MAPRE2: variants seen among roughly 807,000 people sequenced by gnomAD.
MAPRE2 encodes the protein microtubule associated protein RP/EB family member 2.
A neutral mutation model predicts 43.2 loss-of-function variants in MAPRE2; 13 were observed. That is an observed-to-expected ratio of 0.30 (90% CI 0.20 to 0.48). The LOEUF is 0.48. Among genes scored for constraint, MAPRE2 ranks in the 20% least tolerant of loss-of-function variants. MAPRE2 has a pLI of 0.99. For missense variants in MAPRE2, 161 were observed against 400.2 expected, an observed-to-expected ratio of 0.40 and a Z score of 5.10; for synonymous variants, 135 against 148.8, an observed-to-expected ratio of 0.91 and a Z score of 0.68.
intron 2 of MAPRE2, among the ~76,000 whole-genome samples, chr18:35,030,132 C>T (rs1744114717): frequency 6.6e-6 from 1 of 152,098 alleles, no homozygotes; most frequent in African/African-American, 2.4e-5. Context: ...CCTCCTTCCC[C>T]CTCCCTTTTT....
intron 2 of MAPRE2, among the ~76,000 whole-genome samples, chr18:35,075,515 G>A (rs1342915044): frequency 6.6e-6 from 1 of 152,138 alleles, no homozygotes; most frequent in East Asian, 1.9e-4. Context: ...AAGCATAAGA[G>A]TTTACTTAGC....
At chr18:35,011,603 G>A (rs116104897) in intron 2 of MAPRE2, among the ~76,000 whole-genome samples, 2,269 of 152,270 alleles carry the variant, frequency 0.015, 52 homozygotes, top group African/African-American at 0.051. Flanking sequence ...TCTGATGGCT[G>A]TGTAAAGGAA....
At chr18:35,029,886 A>G (rs1403374562) in intron 2 of MAPRE2, among the ~76,000 whole-genome samples, 1 of 152,236 alleles carries the variant, frequency 6.6e-6, no homozygotes, top group East Asian at 1.9e-4. Flanking sequence ...CTGTATCTGG[A>G]TGGTTGAATT....
chr18:34,978,431 G>A (rs903322043), intron 1 of MAPRE2: 62 of 1,245,422 alleles, frequency 5.0e-5, no homozygotes, highest in African/African-American at 7.5e-5. Context: ...GAAGTGTGCA[G>A]ACCGGTTGCG....
chr18:35,047,436 C>G (rs928524354), intron 1 of MAPRE2, among the ~76,000 whole-genome samples: 15 of 152,074 alleles, frequency 9.9e-5, no homozygotes, highest in Admixed American at 2.0e-4. Context: ...TTTCTTAGCT[C>G]ATTTTAAAAT....
rs1161729688 is a variant in MAPRE2 at position 35,129,052 on chromosome 18, T to C, written c.750+1965T>C. On this transcript the variant is annotated intron_variant, in intron 5 of 6. Transcript: ENST00000300249. ...AGAACCGAGTGAGAAGAGAGAGGAA[T>C]AGGCCAGTGCCGCCTTCCTGTTATA... 2.6e-5 allele frequency among the ~76,000 whole-genome samples: 4 copies of C among 152,284 alleles called. No homozygotes were observed. In the East Asian group the frequency reaches 7.7e-4, roughly 29 times the overall value.
intron 2 of MAPRE2, among the ~76,000 whole-genome samples, chr18:35,019,449 A>G (rs938018290): frequency 3.3e-5 from 5 of 151,934 alleles, no homozygotes; most frequent in Admixed American, 3.3e-4. Flanking sequence ...TTGAGTCCGG[A>G]ATTTGTCAGT....
intron 6 of MAPRE2, among the ~76,000 whole-genome samples, chr18:35,137,871 C>G (rs962843212): frequency 2.0e-5 from 3 of 152,176 alleles, no homozygotes; most frequent in Non-Finnish European, 4.4e-5. Flanking sequence ...GTGACTTTCT[C>G]ATAATTTAGA....
intron 4 of MAPRE2, among the ~76,000 whole-genome samples, chr18:35,102,600 A>G (rs1039437180): frequency 2.6e-4 from 40 of 152,346 alleles, no homozygotes; most frequent in Non-Finnish European, 8.8e-5. Context: ...CGTGAACTGT[A>G]CATCCTACCT....
At chr18:35,110,552 T>C (rs1436309891) in intron 4 of MAPRE2, among the ~76,000 whole-genome samples, 7 of 152,168 alleles carry the variant, frequency 4.6e-5, no homozygotes, top group Non-Finnish European at 1.0e-4. Flanking sequence ...TCTTCATTTC[T>C]GAACACCCAA....
At chr18:35,116,647 G>A (rs759120174) in intron 4 of MAPRE2, among the ~76,000 whole-genome samples, 1 of 152,158 alleles carries the variant, frequency 6.6e-6, no homozygotes, top group African/African-American at 2.4e-5. Context: ...ATGCCTTATG[G>A]GCTTTTCCAA....
At chr18:35,086,897 G>A (rs887914549) in intron 2 of MAPRE2, among the ~76,000 whole-genome samples, 6 of 152,080 alleles carry the variant, frequency 3.9e-5, no homozygotes, top group African/African-American at 1.2e-4. Context: ...TATGTCTTAT[G>A]TTTCTTGCGT....
intron 2 of MAPRE2, among the ~76,000 whole-genome samples, chr18:35,085,447 A>G (rs1907830352): frequency 3.3e-5 from 5 of 152,362 alleles, no homozygotes; most frequent in Admixed American, 2.0e-4. Flanking sequence ...CTGGATAGAA[A>G]ATATGGCTAT....
chr18:35,027,385 A>C (rs1301974576), intron 2 of MAPRE2, among the ~76,000 whole-genome samples: 1 of 152,180 alleles, frequency 6.6e-6, no homozygotes, highest in Non-Finnish European at 1.5e-5. Context: ...CTAGGAACCC[A>C]GCCACCATGC....
intron 1 of MAPRE2, among the ~76,000 whole-genome samples, chr18:34,985,914 C>A (rs979234912): frequency 2.0e-5 from 3 of 151,076 alleles, no homozygotes; most frequent in African/African-American, 7.3e-5. Context: ...AAATTAATTT[C>A]TAAAATTAGA....
chr18:35,078,122 C>G (rs1019602346), intron 2 of MAPRE2, among the ~76,000 whole-genome samples: 8 of 152,288 alleles, frequency 5.3e-5, no homozygotes, highest in Admixed American at 3.9e-4. Flanking sequence ...TTAAGCACCT[C>G]ATATGTTTAT....
chr18:35,041,444 C>A lies in MAPRE2; in HGVS notation c.-96C>A, dbSNP rs1366947080. On this transcript the variant is annotated 5_prime_UTR_variant, in exon 1 of 7. Coordinates refer to ENST00000300249, the MANE Select transcript of MAPRE2 (RefSeq NM_014268.4). ...GCAGTGAGCGAGCAGGCGGCAGGCA[C>A]GGTCCGTGCGGAGCAGGCGAGCGAG... 3.8e-6 allele frequency: 6 copies of A among 1,595,986 alleles called. No homozygotes were observed. The African/African-American group carries it at 5.4e-5, about 14-fold the overall frequency.
chr18:35,020,781 T>A (rs1175597774), intron 2 of MAPRE2, among the ~76,000 whole-genome samples: 1 of 152,224 alleles, frequency 6.6e-6, no homozygotes, highest in Non-Finnish European at 1.5e-5. Context: ...ATTTTCGTTG[T>A]ATAGTGAGAC....
At chr18:35,111,740 C>T (rs1229054105) in intron 4 of MAPRE2, among the ~76,000 whole-genome samples, 1 of 152,176 alleles carries the variant, frequency 6.6e-6, no homozygotes, top group African/African-American at 2.4e-5. Flanking sequence ...TCTTCATTTA[C>T]CTTTTGAGAA....
Sources: allele counts gnomAD v4.1 joint callset (sites outside exome capture counted in the v4.1 genomes callset), GRCh38; gene constraint gnomAD v4.1.1; transcripts MANE v1.5; gene names NCBI Gene and HGNC (gene_info 2026-07-23, HGNC 2026-07-21).